The following MSH3 variants were observed in gnomAD, a reference collection of about 807,000 sequenced individuals.
The protein encoded by MSH3 is mutS homolog 3.
Under a neutral mutation model 123.3 loss-of-function variants are expected in MSH3, and 106 were observed. The ratio of observed to expected loss-of-function variants is 0.86; its 90% confidence interval spans 0.73 to 1.01. The LOEUF (loss-of-function observed/expected upper bound fraction) is 1.01, where lower values mean the gene tolerates loss of function less well. Among genes scored for constraint, MSH3 ranks in the 50% least tolerant of loss-of-function variants. The probability of loss-of-function intolerance (pLI) is 0.00; values close to 1 mark genes in which losing one functional copy is unlikely to be tolerated. For synonymous variants in MSH3, 515 were observed against 481.4 expected (o/e 1.07, Z -0.91); for missense variants, 1,459 against 1,347.6 (o/e 1.08, Z -1.29).
At chr5:80,718,879 G>C (rs539940778) in intron 8 of MSH3, among the ~76,000 whole-genome samples, 62 of 152,240 alleles carry the variant, frequency 4.1e-4, no homozygotes, top group African/African-American at 1.2e-3. Context: ...TGGGCAAAGA[G>C]AGTCTCTCCA....
intron 20 of MSH3, among the ~76,000 whole-genome samples, chr5:80,815,512 T>G (rs1057436623): frequency 6.6e-6 from 1 of 152,180 alleles, no homozygotes; most frequent in African/African-American, 2.4e-5. Flanking sequence ...TTTTGTCATA[T>G]AAGGAGAAGG....
chr5:80,661,520 G>A (rs927517719), intron 2 of MSH3, among the ~76,000 whole-genome samples: 3 of 151,932 alleles, frequency 2.0e-5, no homozygotes, highest in Non-Finnish European at 4.4e-5. Flanking sequence ...ATATTTTCCA[G>A]TTCTCTATAT....
chr5:80,774,133 A>G (rs1744259737), intron 15 of MSH3, among the ~76,000 whole-genome samples: 1 of 152,208 alleles, frequency 6.6e-6, no homozygotes, highest in South Asian at 2.1e-4. Flanking sequence ...AACTAAGGCT[A>G]AAAATGAATG....
At chr5:80,702,783 A>T (rs1750639980) in intron 8 of MSH3, among the ~76,000 whole-genome samples, 1 of 152,164 alleles carries the variant, frequency 6.6e-6, no homozygotes, top group Non-Finnish European at 1.5e-5. Context: ...AGGCTGAGGA[A>T]GGTGGATCGC....
At position 80,704,828 on chromosome 5, in the gene MSH3, C is replaced by A. The variant is rs116638327; in HGVS notation, c.1341-20625C>A. On this transcript the variant is annotated intron_variant, in intron 8 of 23. Coordinates refer to ENST00000265081, the MANE Select transcript of MSH3 (RefSeq NM_002439.5). ...CATACCTGAGGCCAGGAGCATGATA[C>A]CTTTCCTCTAGTCTTGCCCTTGTCC... Among the ~76,000 whole-genome samples, 1,148 of 152,302 alleles carry A rather than the reference C, an allele frequency of 7.5e-3. 16 individuals carry two copies. The highest frequency in any genetic ancestry group is 0.025 in the African/African-American group (1,045 of 41,560).
At chr5:80,792,913 T>C (rs1487787308) in intron 19 of MSH3, 69 bp downstream of exon 19, 11 of 1,032,064 alleles carry the variant, frequency 1.1e-5, no homozygotes, top group African/African-American at 9.6e-5. Flanking sequence ...AAGAAACATT[T>C]TTATAATTAA....
At chr5:80,736,306 G>A (rs1368291790) in intron 10 of MSH3, among the ~76,000 whole-genome samples, 1 of 148,480 alleles carries the variant, frequency 6.7e-6, no homozygotes, top group Non-Finnish European at 1.5e-5. Context: ...TACTAGATGT[G>A]AAAGAACATA....
At chr5:80,833,690 G>A (rs867707769) in intron 20 of MSH3, among the ~76,000 whole-genome samples, 24 of 152,226 alleles carry the variant, frequency 1.6e-4, no homozygotes, top group Non-Finnish European at 2.8e-4. Flanking sequence ...ATCCGCCCAC[G>A]TCAGCCTCCC....
intron 20 of MSH3, among the ~76,000 whole-genome samples, chr5:80,843,294 G>A (rs1019748722): frequency 1.3e-5 from 2 of 152,180 alleles, no homozygotes; most frequent in African/African-American, 4.8e-5. Context: ...TGTGCTGCTG[G>A]ATTTGGTTTG....
chr5:80,673,448 C>T (rs1007564410), intron 6 of MSH3, among the ~76,000 whole-genome samples: 1 of 152,126 alleles, frequency 6.6e-6, no homozygotes, highest in Non-Finnish European at 1.5e-5. Context: ...ACAATCACGT[C>T]AGCCTAGGAA....
chr5:80,675,318 T>G (rs1053380482), intron 7 of MSH3, among the ~76,000 whole-genome samples, 190 bp downstream of exon 7: 1 of 152,180 alleles, frequency 6.6e-6, no homozygotes, highest in East Asian at 1.9e-4. Context: ...TACTTGGTAC[T>G]TGTAGCAGTC....
Position 80,769,004 on chromosome 5 carries a change from G to T in MSH3, c.2253+1G>T. 1.9e-6 allele frequency: 3 copies of T among 1,611,320 alleles called. No homozygotes were observed. Among genetic ancestry groups the T allele is most frequent in the Non-Finnish European group, 2.5e-6 (3 of 1,178,158 alleles). ...ATATGTGACAGTATCAGGACAGGAG[G>T]TAATGTCAAGCTTACTTTTATTTTC... On this transcript the variant is annotated splice_donor_variant, in intron 15 of 23. Coordinates refer to ENST00000265081, the MANE Select transcript of MSH3 (RefSeq NM_002439.5). LOFTEE classifies it high-confidence loss of function.
chr5:80,748,263 G>A (rs1175596762), intron 12 of MSH3, among the ~76,000 whole-genome samples: 1 of 152,156 alleles, frequency 6.6e-6, no homozygotes, highest in Admixed American at 6.5e-5. Context: ...CAGTTCATAA[G>A]TCTAGGACCA....
At chr5:80,810,014 T>G (rs1339580626) in intron 19 of MSH3, among the ~76,000 whole-genome samples, 1 of 151,466 alleles carries the variant, frequency 6.6e-6, no homozygotes, top group East Asian at 1.9e-4. Flanking sequence ...TATTTAGGAG[T>G]TTTTTAAGTA....
intron 8 of MSH3, among the ~76,000 whole-genome samples, chr5:80,715,577 A>C (rs1039068577): frequency 7.3e-5 from 11 of 151,204 alleles, no homozygotes; most frequent in African/African-American, 2.7e-4. Flanking sequence ...CACTGCTATA[A>C]AGAACTACCT....
At chr5:80,862,173 T>C (rs914680540) in intron 21 of MSH3, among the ~76,000 whole-genome samples, 1 of 152,130 alleles carries the variant, frequency 6.6e-6, no homozygotes. Flanking sequence ...AAAGTGCCTA[T>C]CAGCTTGGAG....
intron 8 of MSH3, among the ~76,000 whole-genome samples, chr5:80,690,966 A>T (rs1357945889): frequency 1.3e-5 from 2 of 151,978 alleles, no homozygotes; most frequent in African/African-American, 4.8e-5. Context: ...AATTCCTATC[A>T]TGTTTGTAAT....
rs2112812230 is a variant in MSH3 at position 80,670,180 on chromosome 5, T to C, written c.663T>C (p.Ala221=). 1 of 1,614,144 alleles carries C rather than the reference T, an allele frequency of 6.2e-7. No homozygotes were observed. The highest frequency in any genetic ancestry group is 8.5e-7 in the Non-Finnish European group (1 of 1,180,004). Residue 221 remains alanine, a synonymous_variant, in exon 4 of 24, where the codon GCT becomes GCC. Transcript: ENST00000265081. ...TACAGAAAACTGCTTCCAAATCAGC[T>C]AACAAACGGTCCAAAAGCATCTATA... ...ENLQKTASKS[A]NKRSKSIYTP...
chr5:80,868,864 A>G (rs901209599), intron 22 of MSH3, among the ~76,000 whole-genome samples: 1 of 151,944 alleles, frequency 6.6e-6, no homozygotes, highest in African/African-American at 2.4e-5. Flanking sequence ...TTCACTCAGA[A>G]TTTTGAAGCA....
Sources: allele counts gnomAD v4.1 joint callset (sites outside exome capture counted in the v4.1 genomes callset), GRCh38; gene constraint gnomAD v4.1.1; transcripts MANE v1.5; gene names NCBI Gene and HGNC (gene_info 2026-07-23, HGNC 2026-07-21).